ZC3H18: variants seen among roughly 807,000 people sequenced by gnomAD.
The protein encoded by ZC3H18 is zinc finger CCCH domain-containing protein 18.
In ZC3H18, 8 loss-of-function variants were observed where a neutral mutation model predicts 106.1. The ratio of observed to expected loss-of-function variants is 0.08; its 90% CI spans 0.04 to 0.14. The LOEUF is 0.14. ZC3H18 is among the 10% of genes least tolerant of loss of function. ZC3H18 has a pLI of 1.00. For missense variants in ZC3H18, 1,318 were observed against 1,278.4 expected (o/e 1.03, Z -0.47); for synonymous variants, 635 against 522.1 (o/e 1.22, Z -2.95).
At position 88,599,813 on chromosome 16, in the gene ZC3H18, G is replaced by A. The variant is rs1161958134; in HGVS notation, c.953G>A (p.Arg318Gln). The change falls in exon 6 of 18, where the codon CGA becomes CAA. Residue 318 changes from arginine to glutamine, a missense_variant. Arg to Gln is a conservative substitution (Grantham distance 43). Coordinates refer to ENST00000301011, the MANE Select transcript of ZC3H18 (RefSeq NM_144604.4). ...AKEVLKKATIRKEQEPDFEEK... is the reference protein window; with the variant it reads ...AKEVLKKATIQKEQEPDFEEK... Reference sequence around the variant, plus strand: ...TAGGTTTTAAAAAAAGCAACTATTCGAAAAGAACAGGAGCCTGATTTTGAA... The same window carrying A: ...TAGGTTTTAAAAAAAGCAACTATTCAAAAAGAACAGGAGCCTGATTTTGAA... 2 of 1,609,624 alleles carry A rather than the reference G, an allele frequency of 1.2e-6. No homozygotes were observed. The highest frequency in any genetic ancestry group is 1.3e-5 in the African/African-American group (1 of 74,530).
chr16:88,612,025 G>T (rs1205735809), intron 8 of ZC3H18, among the ~76,000 whole-genome samples: 1 of 152,124 alleles, frequency 6.6e-6, no homozygotes, highest in East Asian at 1.9e-4. Context: ...TGCAGGGGAG[G>T]GCCGGGCGGG....
chr16:88,580,494 A>C (rs1345209371), intron 2 of ZC3H18, among the ~76,000 whole-genome samples: 2 of 152,248 alleles, frequency 1.3e-5, no homozygotes, highest in Non-Finnish European at 2.9e-5. Context: ...CAGCAGAGGT[A>C]CGCGCCACGC....
Position 88,631,458 on chromosome 16 carries a change from A to G in ZC3H18, c.*159A>G, listed in dbSNP as rs1000479515. 42 of 983,348 alleles carry G rather than the reference A, an allele frequency of 4.3e-5. No homozygotes were observed. The highest frequency in any genetic ancestry group is 1.7e-4 in the Admixed American group (7 of 41,994). 60.9% of individuals were successfully genotyped at this position (983,348 alleles called of 1,614,324 possible). ...GAAAAGAAGCCACACAGGAAATGAC[A>G]ACGACGCTGAATCCCAGCCTCCCTC... On this transcript the variant is annotated 3_prime_UTR_variant, in exon 18 of 18. Transcript: ENST00000301011.
At chr16:88,574,150 C>G (rs1199025707) in intron 1 of ZC3H18, among the ~76,000 whole-genome samples, 2 of 152,110 alleles carry the variant, frequency 1.3e-5, no homozygotes, top group Admixed American at 1.3e-4. Flanking sequence ...GCTGGGATTA[C>G]AGGCGTGAGC....
At chr16:88,586,731 C>T (rs1915459072) in intron 3 of ZC3H18, 47 bp downstream of exon 3, 2 of 1,506,470 alleles carry the variant, frequency 1.3e-6, no homozygotes, top group Non-Finnish European at 1.8e-6. Context: ...TGGGGCCCCA[C>T]CTTCTGGGGC....
chr16:88,631,089 A>C lies in ZC3H18; in HGVS notation c.2664-12A>C. ...CTTCTGGGGGCTCAAGGTCTTCCCCACCCCCTTGTAGGAAGCGCCAGCTGT... is the reference window on the plus strand; with the variant it reads ...CTTCTGGGGGCTCAAGGTCTTCCCCCCCCCCTTGTAGGAAGCGCCAGCTGT... On this transcript the variant is annotated splice_polypyrimidine_tract_variant and intron_variant, in intron 17 of 17. Transcript: ENST00000301011. 6.2e-7 allele frequency: 1 copy of C among 1,610,766 alleles called. No homozygotes were observed. The highest frequency in any genetic ancestry group is 8.5e-7 in the Non-Finnish European group (1 of 1,179,884).
At chr16:88,574,420 GCTGGTCTTGAACTC>G (rs1914609331) in intron 1 of ZC3H18, among the ~76,000 whole-genome samples, 1 of 151,812 alleles carries the variant, frequency 6.6e-6, no homozygotes, top group Admixed American at 6.6e-5. Context: ...TGTTGGCCAG[GCTGGTCTTGAACTC>G]CTGACTTCGG....
intron 10 of ZC3H18, 192 bp downstream of exon 10, chr16:88,623,536 G>A (rs1906102751): frequency 1.4e-6 from 1 of 706,774 alleles, no homozygotes; most frequent in African/African-American, 1.8e-5. Context: ...CCTCGTCCTT[G>A]TGTAGATGCG....
chr16:88,613,174 G>A (rs1451024250), intron 8 of ZC3H18, among the ~76,000 whole-genome samples: 4 of 152,196 alleles, frequency 2.6e-5, no homozygotes, highest in African/African-American at 4.8e-5. Flanking sequence ...TACTCCGAGC[G>A]TTTTTAACAT....
intron 2 of ZC3H18, among the ~76,000 whole-genome samples, chr16:88,578,772 G>A (rs1192093707): frequency 6.6e-6 from 1 of 152,066 alleles, no homozygotes; most frequent in Non-Finnish European, 1.5e-5. Context: ...GCTCACTACA[G>A]CCTCTACCCC....
In ZC3H18 at chr16:88,577,563, C is replaced by T; in HGVS notation, c.440C>T (p.Ala147Val). 6.2e-7 allele frequency: 1 copy of T among 1,613,494 alleles called. No homozygotes were observed. The highest frequency in any genetic ancestry group is 2.2e-5 in the East Asian group (1 of 44,870). The change falls in exon 2 of 18, where the codon GCT becomes GTT. Residue 147 changes from alanine (A) to valine (V), a missense_variant. By Grantham distance (64) the Ala-to-Val change is moderately conservative. Coordinates refer to ENST00000301011, the MANE Select transcript of ZC3H18 (RefSeq NM_144604.4). Reference protein sequence around the residue: ...EPAPAVQEDEAEKAGAEDDEE... With the variant: ...EPAPAVQEDEVEKAGAEDDEE... ...GCTCCCGCCGTCCAGGAGGACGAGG[C>T]TGAGAAAGCGGGGGCTGAGGATGAT...
intron 3 of ZC3H18, among the ~76,000 whole-genome samples, chr16:88,596,294 A>G (rs1330597413): frequency 1.3e-5 from 2 of 152,212 alleles, no homozygotes; most frequent in Non-Finnish European, 2.9e-5. Flanking sequence ...TTTCATAAAT[A>G]CAGAAAAGAA....
rs79171663 is a variant in ZC3H18, at chr16:88,618,875, C to G, written c.1476-3322C>G. On this transcript the variant is annotated intron_variant, in intron 8 of 17. Coordinates refer to ENST00000301011, the MANE Select transcript of ZC3H18 (RefSeq NM_144604.4). Reference sequence around the variant, plus strand: ...GCCTTCCTGACTGGGCCATCCCTTGCGAGCGTTCTCAGCCCACACTGGCTC... The same window carrying G: ...GCCTTCCTGACTGGGCCATCCCTTGGGAGCGTTCTCAGCCCACACTGGCTC... Among the ~76,000 whole-genome samples the G allele has an allele frequency of 3.8e-3, 571 of 152,264 alleles. 4 individuals are homozygous for G. Among genetic ancestry groups the G allele is most frequent in the African/African-American group, 0.014 (561 of 41,546 alleles).
At chr16:88,581,051 C>T (rs894652308) in intron 2 of ZC3H18, among the ~76,000 whole-genome samples, 3 of 152,218 alleles carry the variant, frequency 2.0e-5, no homozygotes, top group African/African-American at 7.2e-5. Context: ...GCCTCGTGGC[C>T]TACCCCTTGG....
intron 2 of ZC3H18, among the ~76,000 whole-genome samples, chr16:88,583,112 G>T (rs1379141794): frequency 1.3e-5 from 2 of 152,246 alleles, no homozygotes; most frequent in African/African-American, 4.8e-5. Context: ...GGCTTCCTCT[G>T]GCACAGCAGC....
intron 6 of ZC3H18, among the ~76,000 whole-genome samples, chr16:88,607,481 C>T (rs1362526571): frequency 1.3e-5 from 2 of 152,336 alleles, no homozygotes; most frequent in South Asian, 2.1e-4. Flanking sequence ...GACTTGTGGG[C>T]GATTCCGAGC....
At chr16:88,613,265 G>T (rs1905373744) in intron 8 of ZC3H18, among the ~76,000 whole-genome samples, 1 of 152,230 alleles carries the variant, frequency 6.6e-6, no homozygotes, top group African/African-American at 2.4e-5. Context: ...TCTGTTGATG[G>T]ACGTTGGGTT....
chr16:88,623,113 G>A, intron 9 of ZC3H18, 106 bp from the exon 10 acceptor site: 1 of 1,478,980 alleles, frequency 6.8e-7, no homozygotes, highest in Non-Finnish European at 9.0e-7. Flanking sequence ...GCGCTTGTGT[G>A]TAGCTGTGCG....
Position 88,577,437 on chromosome 16 carries a change from A to T in ZC3H18, c.314A>T (p.Glu105Val), listed in dbSNP as rs770071406. ...TGCGAGGAGGAGGGGGACGAAGGGG[A>T]GGAAGACCGGACAAGCGACCTTAGG... is the stretch of plus-strand genomic sequence containing the variant. Reference protein sequence around the residue: ...SPCEEEGDEGEEDRTSDLRDE... With the variant: ...SPCEEEGDEGVEDRTSDLRDE... Residue 105 changes from glutamate (E) to valine (V), a missense_variant, in exon 2 of 18, where the codon GAG (glutamate) becomes GTG (valine). Coordinates refer to ENST00000301011, the MANE Select transcript of ZC3H18 (RefSeq NM_144604.4). 6.2e-7 allele frequency: 1 copy of T among 1,608,552 alleles called. No homozygotes were observed.
Sources: allele counts gnomAD v4.1 joint callset (sites outside exome capture counted in the v4.1 genomes callset), GRCh38; gene constraint gnomAD v4.1.1; transcripts MANE v1.5; gene names NCBI Gene and HGNC (gene_info 2026-07-23, HGNC 2026-07-21).